WHRN: variants seen among roughly 807,000 people sequenced by gnomAD.
WHRN encodes the protein CASK-interacting protein CIP98.
WHRN carries 41 observed loss-of-function variants against 68.3 expected under a neutral mutation model. That is an observed-to-expected ratio of 0.60 (90% confidence interval 0.47 to 0.78). The LOEUF (loss-of-function observed/expected upper bound fraction) is 0.78, where lower values mean the gene tolerates loss of function less well. WHRN is among the 30% of genes least tolerant of loss of function. WHRN has a pLI of 0.00. For missense variants in WHRN, 1,243 were observed against 1,244.7 expected (o/e 1.00, Z 0.02); for synonymous variants, 560 against 561.3 (o/e 1.00, Z 0.03).
intron 1 of WHRN, among the ~76,000 whole-genome samples, chr9:114,486,585 C>T (rs1842488108): frequency 6.6e-6 from 1 of 152,026 alleles, no homozygotes; most frequent in South Asian, 2.1e-4. Context: ...CAAATTAGGA[C>T]ACAGAGCAGT....
intron 1 of WHRN, among the ~76,000 whole-genome samples, chr9:114,489,680 G>C (rs937416977): frequency 2.0e-5 from 3 of 152,142 alleles, no homozygotes; most frequent in Non-Finnish European, 4.4e-5. Context: ...AGTTTAAAGC[G>C]GGGGTTAAAC....
At chr9:114,500,326 T>G (rs945352552) in intron 1 of WHRN, among the ~76,000 whole-genome samples, 1 of 152,196 alleles carries the variant, frequency 6.6e-6, no homozygotes, top group Non-Finnish European at 1.5e-5. Flanking sequence ...AAGCTACATT[T>G]CAGACATAAA....
At chr9:114,463,600 C>A (rs10982230) in intron 3 of WHRN, among the ~76,000 whole-genome samples, 1 of 152,104 alleles carries the variant, frequency 6.6e-6, no homozygotes, top group Non-Finnish European at 1.5e-5. Flanking sequence ...AAATATACCA[C>A]GGTTATACAT....
intron 3 of WHRN, among the ~76,000 whole-genome samples, chr9:114,457,182 TG>T (rs1839880460): frequency 6.6e-6 from 1 of 152,210 alleles, no homozygotes; most frequent in Non-Finnish European, 1.5e-5. Context: ...ACCTAGCACC[TG>T]GATCTTGGTT....
chr9:114,445,574 GACAAGC>G (rs1838748588), intron 3 of WHRN, among the ~76,000 whole-genome samples: 2 of 152,136 alleles, frequency 1.3e-5, no homozygotes, highest in Non-Finnish European at 2.9e-5. Context: ...ATTGTGGGGA[GACAAGC>G]CATAGCACAG....
At chr9:114,461,968 A>G (rs570858629) in intron 3 of WHRN, among the ~76,000 whole-genome samples, 14 of 152,366 alleles carry the variant, frequency 9.2e-5, no homozygotes, top group African/African-American at 3.1e-4. Flanking sequence ...AGTCATGAGT[A>G]TATATACTCA....
At chr9:114,447,160 C>A (rs901260701) in intron 3 of WHRN, among the ~76,000 whole-genome samples, 8 of 152,134 alleles carry the variant, frequency 5.3e-5, no homozygotes, top group Non-Finnish European at 1.0e-4. Flanking sequence ...AACCTGCTAA[C>A]CAAGAGAAGT....
intron 1 of WHRN, among the ~76,000 whole-genome samples, chr9:114,492,261 G>A (rs10817626): frequency 0.42 from 63,916 of 151,894 alleles, 15,023 homozygotes; most frequent in East Asian, 0.61. Flanking sequence ...CCTCTCCCCC[G>A]AGCCAATGCC....
At chr9:114,497,565 A>G (rs1461609464) in intron 1 of WHRN, among the ~76,000 whole-genome samples, 1 of 152,134 alleles carries the variant, frequency 6.6e-6, no homozygotes, top group East Asian at 1.9e-4. Flanking sequence ...CAAAAGCCAG[A>G]AGATATATCT....
chr9:114,443,472 C>T (rs1019082962), intron 3 of WHRN, among the ~76,000 whole-genome samples: 3 of 152,208 alleles, frequency 2.0e-5, no homozygotes, highest in East Asian at 1.9e-4. Flanking sequence ...CCAGCAACCT[C>T]GCACCAACAA....
chr9:114,425,602 C>CACACACAT, intron 4 of WHRN: 1 of 226,284 alleles, frequency 4.4e-6, no homozygotes, highest in East Asian at 1.0e-4. Context: ...CACACACACA[C>CACACACAT]ACACACACAC....
In WHRN at chr9:114,424,384, C is replaced by G. The variant is rs149027634; in HGVS notation, c.1366G>C (p.Val456Leu). The G allele has an allele frequency of 1.2e-6, 2 of 1,612,622 alleles. No individual in the cohort carries two copies. Among genetic ancestry groups the G allele is most frequent in the Non-Finnish European group, 1.7e-6 (2 of 1,180,006 alleles). The part of the protein sequence containing the change: ...LDEYRGGSVS[V>L]EALVMALFKL... ...AACAGGGCCATGACGAGGGCCTCCA[C>G]AGAGACGCTGCCACCACGGTACTCA... The change falls in exon 6 of 12, where the codon GTG (valine) becomes CTG (leucine). Residue 456 changes from valine to leucine, a missense_variant. By Grantham distance (32) the Val-to-Leu change is conservative. Transcript: ENST00000362057.
intron 1 of WHRN, among the ~76,000 whole-genome samples, chr9:114,501,031 C>T (rs1843876728): frequency 6.6e-6 from 1 of 152,164 alleles, no homozygotes; most frequent in African/African-American, 2.4e-5. Context: ...CCAAGCAAAT[C>T]ACAGACTGTC....
chr9:114,421,771 A>G (rs994431504), intron 7 of WHRN, among the ~76,000 whole-genome samples: 1 of 152,110 alleles, frequency 6.6e-6, no homozygotes, highest in Non-Finnish European at 1.5e-5. Flanking sequence ...GCCTGGGGTG[A>G]AGGACAGCCT....
intron 3 of WHRN, among the ~76,000 whole-genome samples, chr9:114,451,604 TCCTC>T (rs1839343557): frequency 1.3e-5 from 2 of 151,832 alleles, no homozygotes; most frequent in East Asian, 3.9e-4. Flanking sequence ...GACCATTCGC[TCCTC>T]CCTAATTTTC....
intron 2 of WHRN, among the ~76,000 whole-genome samples, chr9:114,476,438 TCTCC>T (rs1260820259): frequency 6.6e-6 from 1 of 151,826 alleles, no homozygotes; most frequent in African/African-American, 2.4e-5. Context: ...GGCAGCTCCT[TCTCC>T]CTCTCTAGGT....
At chr9:114,424,693 T>C (rs1836654356) in intron 5 of WHRN, 147 bp from the exon 6 acceptor site, 1 of 951,372 alleles carries the variant, frequency 1.1e-6, no homozygotes, top group Non-Finnish European at 1.6e-6. Context: ...CTTGCCTTGA[T>C]AGTACTATCT....
chr9:114,416,603 T>A (rs913023301), intron 7 of WHRN, among the ~76,000 whole-genome samples: 1 of 152,156 alleles, frequency 6.6e-6, no homozygotes, highest in Non-Finnish European at 1.5e-5. Flanking sequence ...ACCATAATTT[T>A]AAGTTTCCCG....
intron 1 of WHRN, among the ~76,000 whole-genome samples, chr9:114,496,782 T>C (rs1535962): frequency 0.39 from 59,330 of 152,136 alleles, 14,004 homozygotes; most frequent in East Asian, 0.59. Flanking sequence ...CAAGTTACAC[T>C]GTCAGATGAA....
Sources: allele counts gnomAD v4.1 joint callset (sites outside exome capture counted in the v4.1 genomes callset), GRCh38; gene constraint gnomAD v4.1.1; transcripts MANE v1.5; gene names NCBI Gene and HGNC (gene_info 2026-07-23, HGNC 2026-07-21).